Variants in TAMM41 observed in about 807,000 individuals in gnomAD.
TAMM41 encodes TAM41 mitochondrial translocator assembly and maintenance homolog.
Under a neutral mutation model 44.1 loss-of-function variants are expected in TAMM41, and 36 were observed. That is an observed-to-expected ratio of 0.82 (90% CI 0.63 to 1.08). The LOEUF is 1.08. Ranked by LOEUF, TAMM41 falls within the 50% of genes least tolerant of loss-of-function variation. TAMM41 has a pLI of 0.00. For missense variants in TAMM41, 417 were observed against 404.3 expected (o/e 1.03, Z -0.27); for synonymous variants, 164 against 153.1 (o/e 1.07, Z -0.53).
At chr3:11,764,065 G>A in the TAMM41 span, among the ~76,000 whole-genome samples, 7 of 152,178 alleles carry the variant, frequency 4.6e-5, no homozygotes, top group East Asian at 1.2e-3. Flanking sequence ...GTGAAGTGGC[G>A]TGATCTCAGC....
the TAMM41 span, among the ~76,000 whole-genome samples, chr3:11,749,246 T>C: frequency 5.3e-5 from 8 of 152,174 alleles, no homozygotes; most frequent in Non-Finnish European, 1.0e-4. Context: ...GTGTTTACAG[T>C]TGAGCAAAGA....
intron 5 of TAMM41, among the ~76,000 whole-genome samples, chr3:11,813,856 GTA>G (rs1343362902): frequency 1.7e-3 from 243 of 141,548 alleles, no homozygotes; most frequent in African/African-American, 6.0e-3. Flanking sequence ...GTGTGTGTGT[GTA>G]TGTATGTATA....
In TAMM41 at chr3:11,809,567, G is replaced by A; in HGVS notation, c.824C>T (p.Thr275Ile). 1 of 1,614,026 alleles carries A rather than the reference G, an allele frequency of 6.2e-7. No individual in the cohort carries two copies. The highest frequency in any genetic ancestry group is 8.5e-7 in the Non-Finnish European group (1 of 1,180,004). Residue 275 changes from threonine (T) to isoleucine (I), a missense_variant, in exon 6 of 8, where the codon ACT (threonine) becomes ATT (isoleucine). Coordinates refer to ENST00000455809, the MANE Select transcript of TAMM41 (RefSeq NM_001284401.2). ...PPGKNRDVEE[T>I]LFQVAHDPDC... ...GGGATCATGAGCCACTTGGAATAAA[G>A]TTTCTTCCACATCTCTGTTTTTTCC...
rs142546312 is a variant in TAMM41 at position 11,820,176 on chromosome 3, C to T, written c.563-2839G>A. Among the ~76,000 whole-genome samples, 1,043 of 152,208 alleles carry T rather than the reference C, an allele frequency of 6.9e-3. 9 individuals are homozygous for T. Among genetic ancestry groups the T allele is most frequent in the Non-Finnish European group, 0.011 (722 of 67,996 alleles). On this transcript the variant is annotated intron_variant, in intron 4 of 7. Coordinates refer to ENST00000455809, the MANE Select transcript of TAMM41 (RefSeq NM_001284401.2). ...ACTTCCAACTGTGTAAATCCTTACACGTATAAAAATGGATTCCATTAATCT... is the reference window on the plus strand; with the variant it reads ...ACTTCCAACTGTGTAAATCCTTACATGTATAAAAATGGATTCCATTAATCT...
the TAMM41 span, among the ~76,000 whole-genome samples, chr3:11,752,252 A>G: frequency 6.6e-6 from 1 of 152,278 alleles, no homozygotes; most frequent in East Asian, 1.9e-4. Context: ...TGAGTGTTAC[A>G]GCTCTCAAAG....
chr3:11,815,027 A>C (rs1177444796), intron 5 of TAMM41, among the ~76,000 whole-genome samples: 2 of 152,202 alleles, frequency 1.3e-5, no homozygotes, highest in Middle Eastern at 3.2e-3. Flanking sequence ...ATGAATGGAA[A>C]ACAGACATAA....
At chr3:11,740,674 C>T in the TAMM41 span, among the ~76,000 whole-genome samples, 1 of 152,058 alleles carries the variant, frequency 6.6e-6, no homozygotes, top group Non-Finnish European at 1.5e-5. Context: ...CCTCCGCCTC[C>T]TGGGTTCAAG....
At position 11,829,639 on chromosome 3, in the gene TAMM41, G is replaced by T. The variant is rs564883643; in HGVS notation, c.562+75C>A. The T allele has an allele frequency of 9.9e-5, 153 of 1,538,556 alleles. 1 individual carries two copies. The African/African-American group carries it at 1.9e-3, about 19-fold the overall frequency. On this transcript the variant is annotated intron_variant, in intron 4 of 7. Transcript: ENST00000455809. Reference sequence around the variant, plus strand: ...AAGACTGTAGCAGCTCCAGGGCCGAGTGAGAACAGGATATCCGCAGTCTTC... The same window carrying T: ...AAGACTGTAGCAGCTCCAGGGCCGATTGAGAACAGGATATCCGCAGTCTTC...
chr3:11,790,678 G>C, intron 7 of TAMM41, 97 bp from the exon 8 acceptor site: 1 of 1,010,772 alleles, frequency 9.9e-7, no homozygotes, highest in Non-Finnish European at 1.5e-6. Context: ...CTTTGGAGGA[G>C]GGCAGTGAGG....
chr3:11,824,760 C>G (rs1253578891), intron 4 of TAMM41, among the ~76,000 whole-genome samples: 4 of 152,182 alleles, frequency 2.6e-5, no homozygotes, highest in Non-Finnish European at 4.4e-5. Flanking sequence ...AGGAGCAAAA[C>G]AAGACAACAA....
At chr3:11,729,008 C>CAAAAAAAAAAA in the TAMM41 span, among the ~76,000 whole-genome samples, 30 of 116,040 alleles carry the variant, frequency 2.6e-4, no homozygotes, top group Middle Eastern at 4.5e-3. Flanking sequence ...GACTCTGTCT[C>CAAAAAAAAAAA]AAAAAAAAAA....
the TAMM41 span, among the ~76,000 whole-genome samples, chr3:11,733,795 A>AG: frequency 6.6e-6 from 1 of 151,520 alleles, no homozygotes; most frequent in African/African-American, 2.4e-5. Flanking sequence ...ACGCCCGGCC[A>AG]GGGGGGTCCT....
chr3:11,790,708 G>A (rs1045346845), intron 7 of TAMM41, 127 bp from the exon 8 acceptor site: 4 of 734,322 alleles, frequency 5.4e-6, no homozygotes, highest in African/African-American at 5.3e-5. Context: ...GTGGCTCTAG[G>A]AGACCAGGGA....
chr3:11,766,590 CAG>C, the TAMM41 span, among the ~76,000 whole-genome samples: 1 of 151,734 alleles, frequency 6.6e-6, no homozygotes, highest in Non-Finnish European at 1.5e-5. Flanking sequence ...TTTTTTGAGA[CAG>C]AGTTTCACTC....
At chr3:11,757,590 G>A in the TAMM41 span, among the ~76,000 whole-genome samples, 7 of 152,292 alleles carry the variant, frequency 4.6e-5, no homozygotes, top group East Asian at 1.9e-4. Context: ...CTGGGAGTGC[G>A]TCACCATGAT....
chr3:11,794,727 TC>T (rs1194237233), intron 7 of TAMM41, among the ~76,000 whole-genome samples: 2 of 152,078 alleles, frequency 1.3e-5, no homozygotes, highest in Non-Finnish European at 2.9e-5. Context: ...GACTATGAAC[TC>T]CCCGTGTGAT....
chr3:11,756,697 C>A, the TAMM41 span, among the ~76,000 whole-genome samples: 1 of 152,018 alleles, frequency 6.6e-6, no homozygotes, highest in Non-Finnish European at 1.5e-5. Context: ...GAAACCCCGT[C>A]TCTACTAAAC....
intron 7 of TAMM41, chr3:11,807,281 G>T: frequency 7.0e-7 from 1 of 1,438,456 alleles, no homozygotes; most frequent in Middle Eastern, 2.5e-4. Flanking sequence ...AACTATATTA[G>T]GAGGACAGAG....
intron 6 of TAMM41, 179 bp from the exon 7 acceptor site, chr3:11,808,074 A>C (rs2077972519): frequency 7.9e-7 from 1 of 1,267,784 alleles, no homozygotes; most frequent in Non-Finnish European, 1.0e-6. Context: ...GGGCCAGGAG[A>C]CCAGAGCAGC....
Sources: allele counts gnomAD v4.1 joint callset (sites outside exome capture counted in the v4.1 genomes callset), GRCh38; gene constraint gnomAD v4.1.1; transcripts MANE v1.5; gene names NCBI Gene and HGNC (gene_info 2026-07-23, HGNC 2026-07-21).